The following SNAP29 variants were observed in gnomAD, a reference collection of about 807,000 sequenced individuals.
SNAP29 encodes synaptosomal-associated protein 29.
In SNAP29, 13 loss-of-function variants were observed where a neutral mutation model predicts 27.9. That is an observed-to-expected ratio of 0.47 (90% CI 0.30 to 0.74). The LOEUF is 0.74. SNAP29 is among the 30% of genes least tolerant of loss of function. The pLI, the probability that SNAP29 is intolerant of heterozygous loss-of-function variation, is 0.06. For synonymous variants in SNAP29, 119 were observed against 127.1 expected (o/e 0.94, Z 0.43); for missense variants, 368 against 336.5 (o/e 1.09, Z -0.73).
intron 3 of SNAP29, among the ~76,000 whole-genome samples, chr22:20,882,119 A>G (rs1486755099): frequency 6.6e-6 from 1 of 151,998 alleles, no homozygotes; most frequent in Admixed American, 6.6e-5. Context: ...GCGAGGAATT[A>G]GATTCTTCCC....
chr22:20,881,075 A>T lies in SNAP29; in HGVS notation c.461A>T (p.Lys154Ile). 6.2e-7 allele frequency: 1 copy of T among 1,613,072 alleles called. No individual in the cohort carries two copies. Among genetic ancestry groups the T allele is most frequent in the South Asian group, 1.1e-5 (1 of 91,064 alleles). The stretch of plus-strand genomic sequence containing the variant: ...TTGAAAGAAGCTATAAGTACAAGTA[A>T]AGAACAGGAAGCAAAGTACCAGGCC... ...NRLKEAISTS[K>I]EQEAKYQASH... is the part of the protein sequence containing the mutation. Residue 154 changes from lysine to isoleucine, a missense_variant, in exon 3 of 5, where the codon AAA becomes ATA. Transcript: ENST00000215730.
chr22:20,861,282 A>G (rs1178140866), intron 1 of SNAP29, among the ~76,000 whole-genome samples: 1 of 150,946 alleles, frequency 6.6e-6, no homozygotes, highest in Non-Finnish European at 1.5e-5. Context: ...ACACCCAGCT[A>G]ATTTTGGTAT....
chr22:20,873,605 G>A (rs568547979), intron 2 of SNAP29, among the ~76,000 whole-genome samples: 1 of 152,244 alleles, frequency 6.6e-6, no homozygotes, highest in African/African-American at 2.4e-5. Flanking sequence ...AGCAATTTGG[G>A]AGACTGAGGC....
chr22:20,864,574 C>A (rs1365586685), intron 1 of SNAP29, among the ~76,000 whole-genome samples: 1 of 152,206 alleles, frequency 6.6e-6, no homozygotes, highest in African/African-American at 2.4e-5. Flanking sequence ...CCCTCTGAGG[C>A]AGCGTGTGGT....
At position 20,859,342 on chromosome 22, in the gene SNAP29, TC is replaced by T. The variant is rs759792044; in HGVS notation, c.234del (p.Glu79ArgfsTer24). 1.2e-6 allele frequency: 2 copies of T among 1,608,614 alleles called. No individual in the cohort carries two copies. Among genetic ancestry groups the T allele is most frequent in the South Asian group, 2.2e-5 (2 of 90,972 alleles). ...YESEKVGVASSEELARQRGVL... is the reference protein window; with the variant it reads ...YESEKVGVASXEELARQRGVL... ...GTCCGAGAAGGTTGGGGTCGCCTCT[TC>T]CGAGGTGAGCCTGGGGCAGGGCTGG... On this transcript the variant is annotated frameshift_variant, in exon 1 of 5. Coordinates refer to ENST00000215730, the MANE Select transcript of SNAP29 (RefSeq NM_004782.4). LOFTEE classifies it high-confidence loss of function.
In SNAP29 at chr22:20,881,140, T is replaced by C. The variant is rs763114890; in HGVS notation, c.520+6T>C. 6.4e-7 allele frequency: 1 copy of C among 1,568,582 alleles called. No individual in the cohort carries two copies. ...TAGAAAGCTGGATGATACAGGTAAGTGGATACCTGTGTGCACAGCCACATT... is the reference window on the plus strand; with the variant it reads ...TAGAAAGCTGGATGATACAGGTAAGCGGATACCTGTGTGCACAGCCACATT... On this transcript the variant is annotated splice_donor_region_variant and intron_variant, in intron 3 of 4. Coordinates refer to ENST00000215730, the MANE Select transcript of SNAP29 (RefSeq NM_004782.4).
chr22:20,864,551 A>G (rs1226074515), intron 1 of SNAP29, among the ~76,000 whole-genome samples: 1 of 152,228 alleles, frequency 6.6e-6, no homozygotes, highest in African/African-American at 2.4e-5. Flanking sequence ...GGGGCCGTAC[A>G]GACCAAAGTC....
chr22:20,860,342 CCGAGATCCT>C lies in SNAP29; in HGVS notation c.237+996_237+1004del, dbSNP rs952462953. Among the ~76,000 whole-genome samples the C allele has an allele frequency of 2.6e-5, 4 of 151,056 alleles. No homozygotes were observed. In the East Asian group the frequency reaches 7.9e-4, roughly 30 times the overall value. ...GCTGCACTCCAGCATGGGCAACAGA[CCGAGATCCT>C]GGAGGGTCTTTTTCTTTTTCTTTTT... On this transcript the variant is annotated intron_variant, in intron 1 of 4. Coordinates refer to ENST00000215730, the MANE Select transcript of SNAP29 (RefSeq NM_004782.4).
Position 20,888,078 on chromosome 22 carries a change from G to A in SNAP29, c.*242G>A, listed in dbSNP as rs538225254. On this transcript the variant is annotated 3_prime_UTR_variant, in exon 5 of 5. Coordinates refer to ENST00000215730, the MANE Select transcript of SNAP29 (RefSeq NM_004782.4). The stretch of plus-strand genomic sequence containing the variant: ...TTATTAGAGTTTTTGTCTGAGCACA[G>A]TAGCCTGGCCCTGCATATCTTGGGC... 8.6e-4 allele frequency: 438 copies of A among 510,174 alleles called. No individual in the cohort carries two copies. Among genetic ancestry groups the A allele is most frequent in the Non-Finnish European group, 1.4e-3 (393 of 281,878 alleles). The allele number at this position is 510,174 out of a possible 1,614,324, so 31.6% of individuals were successfully genotyped here. A position where few individuals can be genotyped will look rare whatever the true frequency, so the allele number is the denominator to read the frequency against.
intron 1 of SNAP29, among the ~76,000 whole-genome samples, chr22:20,866,920 T>C (rs575183328): frequency 4.7e-4 from 71 of 152,164 alleles, no homozygotes; most frequent in African/African-American, 1.6e-3. Flanking sequence ...TGTGTGTATG[T>C]GTTTGTGTGC....
chr22:20,864,520 G>A (rs1928412141), intron 1 of SNAP29, among the ~76,000 whole-genome samples: 1 of 152,148 alleles, frequency 6.6e-6, no homozygotes, highest in Non-Finnish European at 1.5e-5. Flanking sequence ...TTCTGGTCTT[G>A]GAGCAGCCCA....
At chr22:20,865,997 A>G (rs1928450513) in intron 1 of SNAP29, among the ~76,000 whole-genome samples, 1 of 152,202 alleles carries the variant, frequency 6.6e-6, no homozygotes, top group African/African-American at 2.4e-5. Flanking sequence ...CATATATCAC[A>G]TTGTTAGCAT....
chr22:20,890,372 T>G lies in SNAP29; in HGVS notation c.*2536T>G. On this transcript the variant is annotated 3_prime_UTR_variant, in exon 5 of 5. Transcript: ENST00000215730. ...TGGGATTTGGTACTGCAGACAGATT[T>G]TGATTTCCACAGTTGAGCTGGAAAC... 2 of 398,654 alleles carry G rather than the reference T, an allele frequency of 5.0e-6. No homozygotes were observed. Among genetic ancestry groups the G allele is most frequent in the Non-Finnish European group, 8.8e-6 (2 of 226,074 alleles). The allele number at this position is 398,654 out of a possible 1,614,324, so 24.7% of individuals were successfully genotyped here. A position where few individuals can be genotyped will look rare whatever the true frequency, so the allele number is the denominator to read the frequency against.
At chr22:20,872,015 C>T (rs1057045248) in intron 2 of SNAP29, among the ~76,000 whole-genome samples, 4 of 152,106 alleles carry the variant, frequency 2.6e-5, no homozygotes, top group Admixed American at 2.6e-4. Context: ...ATTACAAAAA[C>T]AACATGGCCA....
chr22:20,878,589 G>A (rs572289613), intron 2 of SNAP29, among the ~76,000 whole-genome samples: 4 of 152,060 alleles, frequency 2.6e-5, no homozygotes, highest in Admixed American at 1.3e-4. Flanking sequence ...AAAAAAAAAG[G>A]CAAGGCAGAA....
rs185813457 is a variant in SNAP29 at position 20,866,643 on chromosome 22, G to A, written c.238-3694G>A. Among the ~76,000 whole-genome samples the A allele has an allele frequency of 2.2e-3, 331 of 152,244 alleles. 1 individual carries two copies. Among genetic ancestry groups the A allele is most frequent in the African/African-American group, 7.9e-3 (329 of 41,542 alleles). On this transcript the variant is annotated intron_variant, in intron 1 of 4. Transcript: ENST00000215730. ...TTTGAAGGCCTTAGTGACATCCTGT[G>A]GGTGTTCCCTGCCGAGTCCTGTGGG...
intron 3 of SNAP29, among the ~76,000 whole-genome samples, chr22:20,881,648 A>G (rs1928894948): frequency 6.6e-6 from 1 of 152,232 alleles, no homozygotes. Flanking sequence ...CGGAGGTTGC[A>G]GTGAGCTGAG....
At chr22:20,873,725 T>C (rs1343579635) in intron 2 of SNAP29, among the ~76,000 whole-genome samples, 1 of 151,626 alleles carries the variant, frequency 6.6e-6, no homozygotes, top group Non-Finnish European at 1.5e-5. Context: ...CCCAGCACTT[T>C]GGGAGGCCGA....
chr22:20,887,759 C>A lies in SNAP29; in HGVS notation c.700C>A (p.Leu234Ile). 1 of 1,614,188 alleles carries A rather than the reference C, an allele frequency of 6.2e-7. No homozygotes were observed. Among genetic ancestry groups the A allele is most frequent in the Non-Finnish European group, 8.5e-7 (1 of 1,180,034 alleles). The change falls in exon 5 of 5, where the codon CTT becomes ATT. Residue 234 changes from leucine to isoleucine, a missense_variant. Physicochemically the swap from Leu to Ile is conservative, Grantham distance 5. Coordinates refer to ENST00000215730, the MANE Select transcript of SNAP29 (RefSeq NM_004782.4). Reference protein sequence around the residue: ...QTEIEEQDDILDRLTTKVDKL... With the variant: ...QTEIEEQDDIIDRLTTKVDKL... ...AGAAATTGAGGAGCAAGATGACATT[C>A]TTGACCGGCTGACAACCAAAGTGGA...
Sources: gnomAD v4.1 joint callset for allele counts (sites outside exome capture counted in the v4.1 genomes callset) on GRCh38, gnomAD v4.1.1 for gene constraint, MANE v1.5 for transcripts, NCBI Gene and HGNC (gene_info 2026-07-23, HGNC 2026-07-21) for gene names.